The following ARID1B variants were observed in gnomAD, a reference collection of about 807,000 sequenced individuals.
ARID1B encodes the protein AT-rich interaction domain 1B.
ARID1B carries 30 observed loss-of-function variants against 212.3 expected under a neutral mutation model. The ratio of observed to expected loss-of-function variants is 0.14; its 90% CI spans 0.11 to 0.19. The LOEUF (loss-of-function observed/expected upper bound fraction) is 0.19, where lower values mean the gene tolerates loss of function less well. Ranked by LOEUF, ARID1B falls within the 10% of genes least tolerant of loss-of-function variation. ARID1B has a pLI of 1.00. For synonymous variants in ARID1B, 1,402 were observed against 1,301.7 expected, an observed-to-expected ratio of 1.08 and a Z score of -1.66; for missense variants, 2,891 against 3,204.0, an observed-to-expected ratio of 0.90 and a Z score of 2.36.
chr6:157,145,496 C>T (rs1459553669), intron 7 of ARID1B, among the ~76,000 whole-genome samples: 5 of 152,134 alleles, frequency 3.3e-5, no homozygotes, highest in Admixed American at 2.0e-4. Flanking sequence ...ATAACACACG[C>T]CTCCCGGACA....
At chr6:156,861,427 G>A (rs977399679) in intron 2 of ARID1B, among the ~76,000 whole-genome samples, 1 of 151,896 alleles carries the variant, frequency 6.6e-6, no homozygotes, top group African/African-American at 2.4e-5. Context: ...TGGGCAACAT[G>A]GCAAAACCCT....
chr6:156,799,903 A>C (rs1731903986), intron 1 of ARID1B, among the ~76,000 whole-genome samples: 2 of 152,216 alleles, frequency 1.3e-5, no homozygotes. Flanking sequence ...CTGCGCAGTA[A>C]TAAGACTCCC....
chr6:156,956,864 G>A (rs749458733), intron 4 of ARID1B, among the ~76,000 whole-genome samples: 8 of 152,048 alleles, frequency 5.3e-5, no homozygotes, highest in African/African-American at 9.7e-5. Flanking sequence ...GGAATTTTGC[G>A]TTTTAGTTAA....
chr6:157,038,382 TG>T (rs1781473948), intron 4 of ARID1B, among the ~76,000 whole-genome samples: 1 of 152,290 alleles, frequency 6.6e-6, no homozygotes, highest in East Asian at 1.9e-4. Context: ...TTATCCTATA[TG>T]CTTGACATTT....
At chr6:156,909,965 G>A (rs550084504) in intron 3 of ARID1B, among the ~76,000 whole-genome samples, 18 of 152,142 alleles carry the variant, frequency 1.2e-4, no homozygotes, top group Non-Finnish European at 2.5e-4. Context: ...GCTTCCCTTT[G>A]TACCCTCTCC....
intron 2 of ARID1B, among the ~76,000 whole-genome samples, chr6:156,831,547 G>T (rs1159966328): frequency 6.6e-6 from 1 of 152,232 alleles, no homozygotes. Flanking sequence ...AATGGAGAGG[G>T]TGTGTGAAGA....
chr6:157,055,872 C>T (rs923502542), intron 4 of ARID1B, among the ~76,000 whole-genome samples: 3 of 152,100 alleles, frequency 2.0e-5, no homozygotes, highest in African/African-American at 4.8e-5. Context: ...ACCATCATGC[C>T]GCATGCTAAC....
At chr6:156,790,610 A>T (rs1199195693) in intron 1 of ARID1B, among the ~76,000 whole-genome samples, 1 of 152,224 alleles carries the variant, frequency 6.6e-6, no homozygotes, top group African/African-American at 2.4e-5. Context: ...GGAAAATTTT[A>T]AAAATTACAG....
At position 156,912,245 on chromosome 6, in the gene ARID1B, A is replaced by C. The variant is rs562147340; in HGVS notation, c.2136+10720A>C. ...TTCTTCAAACTAAATGAAACAGTGA[A>C]TCAAACCTCTTTTTTTTTTTTTTTT... On this transcript the variant is annotated intron_variant, in intron 3 of 19. Coordinates refer to ENST00000636930, the MANE Select transcript of ARID1B (RefSeq NM_001374828.1). 3.0e-4 allele frequency among the ~76,000 whole-genome samples: 43 copies of C among 145,396 alleles called. 1 individual carries two copies. The South Asian group carries it at 9.2e-3, about 31-fold the overall frequency.
chr6:157,154,136 A>T (rs957340795), intron 8 of ARID1B, among the ~76,000 whole-genome samples: 3 of 152,230 alleles, frequency 2.0e-5, no homozygotes, highest in Non-Finnish European at 2.9e-5. Flanking sequence ...TTTCAGCATT[A>T]TCCAGAATTT....
chr6:157,100,534 G>C (rs1429612779), intron 5 of ARID1B, among the ~76,000 whole-genome samples: 4 of 152,208 alleles, frequency 2.6e-5, no homozygotes, highest in Non-Finnish European at 5.9e-5. Flanking sequence ...ACACTGAACA[G>C]AAGGATGCTA....
intron 11 of ARID1B, 67 bp downstream of exon 11, chr6:157,175,072 T>G (rs1230227393): frequency 8.3e-7 from 1 of 1,201,618 alleles, no homozygotes; most frequent in African/African-American, 1.6e-5. Flanking sequence ...TGATAATTAA[T>G]TAATTCTACT....
intron 4 of ARID1B, among the ~76,000 whole-genome samples, chr6:157,062,441 T>C (rs1391019875): frequency 6.6e-6 from 1 of 151,990 alleles, no homozygotes; most frequent in Non-Finnish European, 1.5e-5. Context: ...CAAGCAATCC[T>C]CTCACCTTGG....
At chr6:157,099,177 A>G (rs967658829) in intron 5 of ARID1B, among the ~76,000 whole-genome samples, 1 of 152,104 alleles carries the variant, frequency 6.6e-6, no homozygotes, top group Non-Finnish European at 1.5e-5. Flanking sequence ...CGAACTCCTG[A>G]CCTCAAGCAA....
intron 15 of ARID1B, among the ~76,000 whole-genome samples, chr6:157,191,312 G>A (rs1167241442): frequency 2.6e-5 from 4 of 152,032 alleles, no homozygotes; most frequent in Non-Finnish European, 4.4e-5. Flanking sequence ...GAAGCTAACC[G>A]TGACTGGGCG....
chr6:157,127,128 A>C (rs1367973055), intron 6 of ARID1B, among the ~76,000 whole-genome samples: 1 of 152,246 alleles, frequency 6.6e-6, no homozygotes, highest in Non-Finnish European at 1.5e-5. Flanking sequence ...TGGAAATTGC[A>C]GACTTGATTT....
chr6:157,054,367 A>G (rs1040264282), intron 4 of ARID1B, among the ~76,000 whole-genome samples: 3 of 152,230 alleles, frequency 2.0e-5, no homozygotes, highest in Admixed American at 6.5e-5. Context: ...GCATCTTTTA[A>G]TGTTCTTACT....
At chr6:156,882,810 T>C (rs1048140118) in intron 2 of ARID1B, among the ~76,000 whole-genome samples, 4 of 152,250 alleles carry the variant, frequency 2.6e-5, no homozygotes, top group Admixed American at 6.5e-5. Context: ...GAAGGTGATA[T>C]CAGTGACAAC....
chr6:156,967,734 C>G (rs1413265626), intron 4 of ARID1B, among the ~76,000 whole-genome samples: 1 of 151,976 alleles, frequency 6.6e-6, no homozygotes, highest in African/African-American at 2.4e-5. Context: ...GTTATTTGAT[C>G]TTATTAATGA....
Sources: gnomAD v4.1 joint callset for allele counts (sites outside exome capture counted in the v4.1 genomes callset) on GRCh38, gnomAD v4.1.1 for gene constraint, MANE v1.5 for transcripts, NCBI Gene and HGNC (gene_info 2026-07-23, HGNC 2026-07-21) for gene names.